Variants in SKIC2 observed in about 807,000 individuals in gnomAD.
The protein encoded by SKIC2 is SKI2 subunit of superkiller complex, also known as superkiller complex protein 2.
chr6:31,962,757 T>C, the SKIC2 span: 13 of 1,612,488 alleles, frequency 8.1e-6, no homozygotes, highest in Admixed American at 1.7e-5. This position sits in a 1 kb window ranked among gnomAD's most constrained non-coding sequence, Gnocchi z 5.0. Context: ...GGACCTGGAG[T>C]GGGTCATCTT....
the SKIC2 span, chr6:31,959,225 G>A: frequency 6.2e-7 from 1 of 1,608,808 alleles, no homozygotes; most frequent in Admixed American, 1.7e-5. Context: ...GTGAGGGGGA[G>A]GGGAGGGAAA....
the SKIC2 span, chr6:31,966,788 G>A: frequency 6.2e-7 from 1 of 1,614,140 alleles, no homozygotes; most frequent in Non-Finnish European, 8.5e-7. The surrounding 1 kb of genome is among the most constrained non-coding windows in gnomAD (Gnocchi z 5.9). Flanking sequence ...GATGCCCTCA[G>A]GGTGGAGGAC....
At chr6:31,962,475 C>T in the SKIC2 span, 9 of 1,614,112 alleles carry the variant, frequency 5.6e-6, no homozygotes, top group Non-Finnish European at 7.6e-6. This position sits in a 1 kb window ranked among gnomAD's most constrained non-coding sequence, Gnocchi z 5.0. Context: ...CCCTGAGCAA[C>T]CAGAAGTTCC....
the SKIC2 span, chr6:31,969,190 C>T: frequency 6.4e-7 from 1 of 1,564,440 alleles, no homozygotes; most frequent in Non-Finnish European, 8.8e-7. The surrounding 1 kb of genome is among the most constrained non-coding windows in gnomAD (Gnocchi z 6.1). Context: ...TGTAAGTGCC[C>T]CAAGGATGGA....
the SKIC2 span, chr6:31,966,960 G>A: frequency 1.9e-6 from 3 of 1,613,200 alleles, no homozygotes; most frequent in East Asian, 4.5e-5. The surrounding 1 kb of genome is among the most constrained non-coding windows in gnomAD (Gnocchi z 5.9). Flanking sequence ...GACAGATTGG[G>A]CCTGGAGACT....
the SKIC2 span, among the ~76,000 whole-genome samples, chr6:31,965,414 G>C: frequency 4.0e-5 from 6 of 150,418 alleles, no homozygotes; most frequent in African/African-American, 1.5e-4. The surrounding 1 kb of genome is among the most constrained non-coding windows in gnomAD (Gnocchi z 5.6). Flanking sequence ...AGAAAAAGAA[G>C]CAAAAAAAAA....
the SKIC2 span, chr6:31,968,350 G>A: frequency 1.1e-5 from 17 of 1,612,794 alleles, no homozygotes; most frequent in African/African-American, 2.7e-5. The surrounding 1 kb of genome is among the most constrained non-coding windows in gnomAD (Gnocchi z 6.1). Context: ...CCTTGCAGCC[G>A]TGACCACTGC....
the SKIC2 span, chr6:31,963,587 A>G: frequency 6.5e-7 from 1 of 1,539,408 alleles, no homozygotes; most frequent in African/African-American, 1.4e-5. The surrounding 1 kb of genome is among the most constrained non-coding windows in gnomAD (Gnocchi z 5.3). Flanking sequence ...GGAAAGAGTT[A>G]GGGCTGGGCC....
chr6:31,963,032 T>G, the SKIC2 span: 1 of 1,612,888 alleles, frequency 6.2e-7, no homozygotes, highest in Non-Finnish European at 8.5e-7. The surrounding 1 kb of genome is among the most constrained non-coding windows in gnomAD (Gnocchi z 5.3). Context: ...CTGACCACGT[T>G]TCTATCATCC....
the SKIC2 span, chr6:31,967,989 C>T: frequency 1.2e-6 from 2 of 1,612,984 alleles, no homozygotes; most frequent in African/African-American, 2.7e-5. This position sits in a 1 kb window ranked among gnomAD's most constrained non-coding sequence, Gnocchi z 4.9. Flanking sequence ...AAGCTCCAGC[C>T]AGGAGATATG....
chr6:31,960,768 TGAG>T, the SKIC2 span: 3 of 1,497,626 alleles, frequency 2.0e-6, no homozygotes, highest in Non-Finnish European at 2.7e-6. Flanking sequence ...GTCTGAGCCT[TGAG>T]GAGGAAGAGC....
the SKIC2 span, chr6:31,965,756 G>A: frequency 2.1e-6 from 3 of 1,440,552 alleles, no homozygotes; most frequent in Admixed American, 5.0e-5. The surrounding 1 kb of genome is among the most constrained non-coding windows in gnomAD (Gnocchi z 5.6). Flanking sequence ...AGCCTTTGCT[G>A]ATCCTTTCTG....
At chr6:31,968,474 C>G in the SKIC2 span, 7 of 1,612,850 alleles carry the variant, frequency 4.3e-6, no homozygotes, top group Non-Finnish European at 5.9e-6. The surrounding 1 kb of genome is among the most constrained non-coding windows in gnomAD (Gnocchi z 6.1). Flanking sequence ...GGGCTCCGGG[C>G]CCGGAAGCTG....
chr6:31,968,119 G>A, the SKIC2 span: 1 of 1,611,068 alleles, frequency 6.2e-7, no homozygotes, highest in South Asian at 1.1e-5. This position sits in a 1 kb window ranked among gnomAD's most constrained non-coding sequence, Gnocchi z 6.1. Flanking sequence ...CCTCCAGAGG[G>A]GCACGTAGAG....
chr6:31,968,438 T>A, the SKIC2 span: 1 of 1,612,842 alleles, frequency 6.2e-7, no homozygotes, highest in Non-Finnish European at 8.5e-7. This position sits in a 1 kb window ranked among gnomAD's most constrained non-coding sequence, Gnocchi z 6.1. Flanking sequence ...GACCTGCAGC[T>A]CAAAGATATG....
the SKIC2 span, chr6:31,969,402 T>G: frequency 2.5e-6 from 4 of 1,614,144 alleles, no homozygotes; most frequent in Non-Finnish European, 3.4e-6. The surrounding 1 kb of genome is among the most constrained non-coding windows in gnomAD (Gnocchi z 6.1). Flanking sequence ...AGGTTGTATA[T>G]GAGTGGGCCC....
At chr6:31,959,353 A>G in the SKIC2 span, 5 of 1,613,876 alleles carry the variant, frequency 3.1e-6, no homozygotes, top group Non-Finnish European at 4.2e-6. Flanking sequence ...GCTCGGATGC[A>G]CGGGGCACTG....
At chr6:31,968,712 G>A in the SKIC2 span, 1 of 1,612,904 alleles carries the variant, frequency 6.2e-7, no homozygotes, top group Non-Finnish European at 8.5e-7. The surrounding 1 kb of genome is among the most constrained non-coding windows in gnomAD (Gnocchi z 6.1). Context: ...AGCGAATGCA[G>A]ATACAGAAGG....
the SKIC2 span, chr6:31,967,448 G>A: frequency 1.6e-6 from 2 of 1,260,312 alleles, no homozygotes; most frequent in Admixed American, 1.7e-5. The surrounding 1 kb of genome is among the most constrained non-coding windows in gnomAD (Gnocchi z 4.9). Flanking sequence ...TCCCCACTTG[G>A]CCAGGGCAGG....
Sources: allele counts gnomAD v4.1 joint callset (sites outside exome capture counted in the v4.1 genomes callset), GRCh38; gene constraint gnomAD v4.1.1; non-coding constraint Gnocchi (gnomAD v3.1); transcripts MANE v1.5; gene names NCBI Gene and HGNC (gene_info 2026-07-23, HGNC 2026-07-21).